The following DSCAM variants were observed in gnomAD, a reference collection of about 807,000 sequenced individuals.
DSCAM encodes DS cell adhesion molecule.
In DSCAM, 47 loss-of-function variants were observed where a neutral mutation model predicts 217.7. That is an observed-to-expected ratio of 0.22 (90% CI 0.17 to 0.28). DSCAM has a LOEUF of 0.28. DSCAM is among the 10% of genes least tolerant of loss of function. The pLI is 1.00. For synonymous variants in DSCAM, 1,056 were observed against 1,015.3 expected (o/e 1.04, Z -0.76); for missense variants, 2,080 against 2,618.3 (o/e 0.79, Z 4.49).
At chr21:40,081,331 TC>T (rs1276321515) in intron 24 of DSCAM, among the ~76,000 whole-genome samples, 4 of 145,702 alleles carry the variant, frequency 2.7e-5, no homozygotes, top group Admixed American at 1.4e-4. Context: ...GCATTTTTTT[TC>T]CCTGCACACT....
At chr21:40,577,966 G>C (rs1379301837) in intron 3 of DSCAM, among the ~76,000 whole-genome samples, 1 of 152,182 alleles carries the variant, frequency 6.6e-6, no homozygotes, top group African/African-American at 2.4e-5. Context: ...GGGGCTGCCA[G>C]TCAAAGAGCC....
intron 3 of DSCAM, among the ~76,000 whole-genome samples, chr21:40,660,782 T>A (rs1192503607): frequency 1.3e-5 from 2 of 152,206 alleles, no homozygotes; most frequent in Non-Finnish European, 2.9e-5. Context: ...TTATATGTCC[T>A]TGACAGTCAA....
chr21:40,433,346 TAAAAAA>T (rs10678618), intron 3 of DSCAM, among the ~76,000 whole-genome samples: 5 of 93,734 alleles, frequency 5.3e-5, no homozygotes, highest in African/African-American at 1.7e-4. Context: ...AGACTCCGTC[TAAAAAA>T]AAAAAAAAAA....
At chr21:40,382,569 T>C (rs954562181) in intron 3 of DSCAM, among the ~76,000 whole-genome samples, 3 of 152,232 alleles carry the variant, frequency 2.0e-5, no homozygotes, top group African/African-American at 7.2e-5. Context: ...AAGGAAACTA[T>C]AATGAGTTTA....
intron 3 of DSCAM, among the ~76,000 whole-genome samples, chr21:40,688,331 G>A (rs549731868): frequency 1.2e-4 from 18 of 152,246 alleles, no homozygotes; most frequent in African/African-American, 3.1e-4. Context: ...CTCCCTAATC[G>A]GGAGGAAATT....
chr21:40,766,356 A>T (rs1000860347), intron 1 of DSCAM, among the ~76,000 whole-genome samples: 5 of 151,654 alleles, frequency 3.3e-5, no homozygotes, highest in Non-Finnish European at 5.9e-5. Context: ...TTTTCAAAGG[A>T]TTAAATACAT....
At position 40,339,037 on chromosome 21, in the gene DSCAM, C is replaced by T. The variant is rs527752582; in HGVS notation, c.1507+82G>A. On this transcript the variant is annotated intron_variant, in intron 7 of 32. Transcript: ENST00000400454. ...GTTAATCCGCTCTGGCATTCCAAGACCCAGCTCGGTGCATGCAGAAATCTT... is the reference window on the plus strand; with the variant it reads ...GTTAATCCGCTCTGGCATTCCAAGATCCAGCTCGGTGCATGCAGAAATCTT... 134 of 1,539,906 alleles carry T rather than the reference C, an allele frequency of 8.7e-5. No homozygotes were observed. The African/African-American group carries it at 1.7e-3, about 19-fold the overall frequency.
At chr21:40,265,181 G>A (rs8133424) in intron 11 of DSCAM, among the ~76,000 whole-genome samples, 6 of 148,804 alleles carry the variant, frequency 4.0e-5, no homozygotes, top group African/African-American at 1.5e-4. Context: ...GGGGGACAGA[G>A]CAAAATTCCG....
chr21:40,823,070 A>G (rs2091942024), intron 1 of DSCAM, among the ~76,000 whole-genome samples: 1 of 152,090 alleles, frequency 6.6e-6, no homozygotes, highest in Non-Finnish European at 1.5e-5. Flanking sequence ...GAATTGCTTG[A>G]ACCCGGGAGG....
intron 28 of DSCAM, among the ~76,000 whole-genome samples, chr21:40,061,569 C>CAA (rs1223587491): frequency 0.024 from 2,063 of 86,332 alleles, 31 homozygotes; most frequent in Middle Eastern, 0.046. Flanking sequence ...AACTCTGTCC[C>CAA]AAAAAAAAAA....
rs2088806984 is a variant in DSCAM at position 40,044,254 on chromosome 21, G to A, written c.5207C>T (p.Ala1736Val). 1.9e-6 allele frequency: 3 copies of A among 1,614,080 alleles called. No individual in the cohort carries two copies. The East Asian group carries it at 6.7e-5, about 36-fold the overall frequency. ...PGTNPTTRRN[A>V]KAGPTARNRY... ...GTTTCTCGCTGTGGGCCCAGCCTTG[G>A]CATTCCTCCTGGTGGTGGGATCTGT... Residue 1736 changes from alanine to valine, a missense_variant, in exon 31 of 33, where the codon GCC (alanine) becomes GTC (valine). Ala to Val is a moderately conservative substitution (Grantham distance 64, BLOSUM62 0). This residue lies in a region of DSCAM where 1,144 missense variants were observed against 1,421.1 expected (regional missense o/e 0.81). Coordinates refer to ENST00000400454, the MANE Select transcript of DSCAM (RefSeq NM_001389.5).
intron 3 of DSCAM, among the ~76,000 whole-genome samples, chr21:40,673,873 C>T (rs76789516): frequency 0.016 from 2,470 of 152,244 alleles, 62 homozygotes; most frequent in African/African-American, 0.057. Context: ...TCCTCTATAG[C>T]CTGCAGAACC....
chr21:40,181,116 T>C (rs760591670), intron 14 of DSCAM, among the ~76,000 whole-genome samples: 36 of 152,162 alleles, frequency 2.4e-4, no homozygotes, highest in Admixed American at 4.6e-4. Flanking sequence ...CTCTCCCCAG[T>C]CACACTTGCC....
At chr21:40,516,902 T>C (rs1010500339) in intron 3 of DSCAM, among the ~76,000 whole-genome samples, 1 of 148,080 alleles carries the variant, frequency 6.8e-6, no homozygotes, top group African/African-American at 2.5e-5. Context: ...TATATATATA[T>C]ATATACACAC....
At chr21:40,278,005 C>T (rs935944103) in intron 10 of DSCAM, among the ~76,000 whole-genome samples, 1 of 151,756 alleles carries the variant, frequency 6.6e-6, no homozygotes, top group Non-Finnish European at 1.5e-5. Context: ...AAAAAAGTTG[C>T]TATAACTATA....
At chr21:40,138,657 G>A (rs1283675197) in intron 18 of DSCAM, among the ~76,000 whole-genome samples, 1 of 145,052 alleles carries the variant, frequency 6.9e-6, no homozygotes, top group Non-Finnish European at 1.5e-5. Flanking sequence ...TGGGGGGTGT[G>A]TGTGGTGTGA....
chr21:40,366,614 A>AT (rs2074835663), intron 4 of DSCAM, among the ~76,000 whole-genome samples: 1 of 152,030 alleles, frequency 6.6e-6, no homozygotes, highest in South Asian at 2.1e-4. Context: ...TTTTTTAAAA[A>AT]TTTTCATTCT....
chr21:40,417,733 T>C (rs1244121664), intron 3 of DSCAM, among the ~76,000 whole-genome samples: 1 of 152,196 alleles, frequency 6.6e-6, no homozygotes, highest in Admixed American at 6.5e-5. Context: ...ATCGTTGTGC[T>C]TAGTTAATAT....
intron 3 of DSCAM, among the ~76,000 whole-genome samples, chr21:40,692,365 G>T (rs897531660): frequency 2.6e-5 from 4 of 152,084 alleles, no homozygotes; most frequent in Admixed American, 2.6e-4. Flanking sequence ...TCAAGAAATA[G>T]GTCAGAGATA....
Sources: gnomAD v4.1 joint callset for allele counts (sites outside exome capture counted in the v4.1 genomes callset) on GRCh38, gnomAD v4.1.1 for gene constraint, gnomAD v4.1.1 regional missense constraint, MANE v1.5 for transcripts, NCBI Gene and HGNC (gene_info 2026-07-23, HGNC 2026-07-21) for gene names.